BOC: variants seen among roughly 807,000 people sequenced by gnomAD.
BOC encodes BOC cell adhesion associated, oncogene regulated, also known as brother of CDO.
In BOC, 76 loss-of-function variants were observed where a neutral mutation model predicts 112.0. The observed-to-expected ratio is 0.68, with a 90% CI of 0.56 to 0.82. The LOEUF (loss-of-function observed/expected upper bound fraction) is 0.82. Among genes scored for constraint, BOC ranks in the 40% least tolerant of loss-of-function variants. The pLI is 0.00. For missense variants in BOC, 1,309 were observed against 1,511.7 expected (o/e 0.87, Z 2.22); for synonymous variants, 580 against 599.8 (o/e 0.97, Z 0.48).
chr3:113,283,862 G>A lies in BOC; in HGVS notation c.2656+230G>A, dbSNP rs114357270. Among the ~76,000 whole-genome samples, 238 of 151,898 alleles carry A rather than the reference G, an allele frequency of 1.6e-3. 2 individuals are homozygous for A. Among genetic ancestry groups the A allele is most frequent in the African/African-American group, 5.6e-3 (230 of 41,406 alleles). On this transcript the variant is annotated intron_variant, in intron 16 of 19. Transcript: ENST00000682979. ...TGTCTTCTCTGCACCTTTGGAGCTC[G>A]GGACCTATGTTGTGCCATCTTCTGA... is the stretch of plus-strand genomic sequence containing the variant.
At chr3:113,254,532 G>T (rs929601366) in intron 4 of BOC, among the ~76,000 whole-genome samples, 1 of 152,180 alleles carries the variant, frequency 6.6e-6, no homozygotes, top group Non-Finnish European at 1.5e-5. Flanking sequence ...GCTGTGTTTT[G>T]CTGGTTGGCT....
At chr3:113,284,991 G>C in intron 18 of BOC, 133 bp downstream of exon 18, 1 of 767,944 alleles carries the variant, frequency 1.3e-6, no homozygotes, top group Non-Finnish European at 2.2e-6. Context: ...TGACAATCAT[G>C]CTCCTCTGAA....
chr3:113,271,915 A>T (rs1245455425), intron 6 of BOC: 1 of 176,694 alleles, frequency 5.7e-6, no homozygotes, highest in Non-Finnish European at 1.2e-5. Context: ...CATGTGTTTA[A>T]ACAGTGGATT....
chr3:113,272,986 C>A, intron 7 of BOC, 83 bp from the exon 8 acceptor site: 1 of 1,497,740 alleles, frequency 6.7e-7, no homozygotes, highest in Non-Finnish European at 9.1e-7. Context: ...AGGGGAGCTG[C>A]TCCTAACTAC....
intron 4 of BOC, among the ~76,000 whole-genome samples, chr3:113,254,386 G>A (rs1945996834): frequency 6.6e-6 from 1 of 152,172 alleles, no homozygotes; most frequent in South Asian, 2.1e-4. Context: ...CTTGGAGGAG[G>A]CAGCAACGAG....
intron 1 of BOC, chr3:113,212,546 C>T (rs1938404392): frequency 6.6e-6 from 1 of 152,206 alleles, no homozygotes; most frequent in South Asian, 2.1e-4. Flanking sequence ...TAGTTGGCGT[C>T]TTCTAAAGGA....
intron 2 of BOC, among the ~76,000 whole-genome samples, chr3:113,236,266 G>GTGTGTGTGTGTGTC (rs10634988): frequency 1.9e-5 from 1 of 52,590 alleles, no homozygotes; most frequent in African/African-American, 6.2e-5. Context: ...GTGTGTGTGT[G>GTGTGTGTGTGTGTC]TATATATACC....
chr3:113,268,513 G>C lies in BOC; in HGVS notation c.523+68G>C, dbSNP rs543356564. On this transcript the variant is annotated intron_variant, in intron 5 of 19. Coordinates refer to ENST00000682979, the MANE Select transcript of BOC (RefSeq NM_001378074.1). ...GGAAGCTGGCCTCCTCCAACCGCTC[G>C]CTGCTCAACAAAGCTAGGGCAGCTG... 2.7e-6 allele frequency: 4 copies of C among 1,495,450 alleles called. No individual in the cohort carries two copies. The Admixed American group carries it at 7.6e-5, about 28-fold the overall frequency. 92.6% of individuals were successfully genotyped at this position (1,495,450 alleles called of 1,614,324 possible). A position where few individuals can be genotyped will look rare whatever the true frequency, so the allele number is the denominator to read the frequency against.
intron 5 of BOC, among the ~76,000 whole-genome samples, chr3:113,268,765 C>T (rs1947798044): frequency 6.6e-6 from 1 of 152,208 alleles, no homozygotes; most frequent in Non-Finnish European, 1.5e-5. Context: ...CGCCACCATG[C>T]TTGGCTAACT....
Position 113,245,506 on chromosome 3 carries a change from AC to A in BOC, c.-81-4213del, listed in dbSNP as rs201487433. Among the ~76,000 whole-genome samples the A allele has an allele frequency of 3.3e-5, 5 of 152,124 alleles. No homozygotes were observed. In the East Asian group the frequency reaches 9.7e-4, roughly 29 times the overall value. ...TGCCTCTCTTCTGTGCAGGAGTACT[AC>A]CCTCTTTCTTGAGATAGGGGGCTGC... On this transcript the variant is annotated intron_variant, in intron 2 of 19. Coordinates refer to ENST00000682979, the MANE Select transcript of BOC (RefSeq NM_001378074.1).
chr3:113,245,498 G>A (rs886169954), intron 2 of BOC, among the ~76,000 whole-genome samples: 1 of 152,124 alleles, frequency 6.6e-6, no homozygotes, highest in African/African-American at 2.4e-5. Context: ...CTTCTGTGCA[G>A]GAGTACTACC....
At chr3:113,266,866 T>C (rs1419915365) in intron 4 of BOC, among the ~76,000 whole-genome samples, 2 of 152,186 alleles carry the variant, frequency 1.3e-5, no homozygotes, top group East Asian at 1.9e-4. Flanking sequence ...TGCTGGGAAG[T>C]TCCATTACGT....
At chr3:113,210,971 G>T (rs1436363839), upstream of BOC, 1 of 152,148 alleles carries the variant, frequency 6.6e-6, no homozygotes, top group African/African-American at 2.4e-5. Context: ...AGGTCAGGGC[G>T]CTGTCAATGG....
rs1008311022 is a variant in BOC at position 113,270,707 on chromosome 3, T to C, written c.524-94T>C. The C allele has an allele frequency of 2.8e-6, 4 of 1,444,832 alleles. No homozygotes were observed. The African/African-American group carries it at 5.7e-5, about 21-fold the overall frequency. 89.5% of individuals were successfully genotyped at this position (1,444,832 alleles called of 1,614,324 possible). On this transcript the variant is annotated intron_variant, in intron 5 of 19. Transcript: ENST00000682979. Reference sequence around the variant, plus strand: ...CAGCTCCTAGTGCCTGCCCAGCCTGTTCCTCTCCCTCCGTGCACCTCTCCT... The same window carrying C: ...CAGCTCCTAGTGCCTGCCCAGCCTGCTCCTCTCCCTCCGTGCACCTCTCCT...
intron 1 of BOC, among the ~76,000 whole-genome samples, chr3:113,213,485 A>G (rs750396907): frequency 1.3e-5 from 2 of 152,218 alleles, no homozygotes; most frequent in African/African-American, 2.4e-5. Flanking sequence ...GTTACAGCCA[A>G]TAAATCAATC....
intron 4 of BOC, among the ~76,000 whole-genome samples, chr3:113,259,612 T>C (rs897539566): frequency 3.3e-5 from 5 of 152,208 alleles, no homozygotes; most frequent in African/African-American, 1.2e-4. Flanking sequence ...TGACTTTGTT[T>C]TTAGACTTTC....
chr3:113,259,764 C>T (rs1031133282), intron 4 of BOC, among the ~76,000 whole-genome samples: 1 of 152,146 alleles, frequency 6.6e-6, no homozygotes, highest in African/African-American at 2.4e-5. Context: ...AAAAAACTTG[C>T]TGAAGTAGAA....
intron 15 of BOC, 44 bp downstream of exon 15, chr3:113,281,197 G>A (rs1949167550): frequency 6.8e-6 from 11 of 1,606,228 alleles, no homozygotes; most frequent in East Asian, 4.5e-5. Context: ...TGTTTCCAGC[G>A]AGGGAAGGCA....
intron 8 of BOC, 87 bp downstream of exon 8, chr3:113,273,428 A>G (rs1948352763): frequency 2.2e-6 from 3 of 1,380,974 alleles, no homozygotes; most frequent in African/African-American, 2.9e-5. Flanking sequence ...ACCCCAGTAT[A>G]TAAGATAGAA....
Sources: allele counts gnomAD v4.1 joint callset (sites outside exome capture counted in the v4.1 genomes callset), GRCh38; gene constraint gnomAD v4.1.1; transcripts MANE v1.5; gene names NCBI Gene and HGNC (gene_info 2026-07-23, HGNC 2026-07-21).